The following TK2 variants were observed in gnomAD, a reference collection of about 807,000 sequenced individuals.
The protein encoded by TK2 is thymidine kinase 2.
Under a neutral mutation model 41.9 loss-of-function variants are expected in TK2, and 35 were observed. The ratio of observed to expected loss-of-function variants is 0.84; its 90% CI spans 0.64 to 1.11. TK2 has a LOEUF of 1.11. Ranked by LOEUF, TK2 falls within the 50% of genes least tolerant of loss-of-function variation. The probability of loss-of-function intolerance (pLI) is 0.00; values close to 1 mark genes in which losing one functional copy is unlikely to be tolerated. For synonymous variants in TK2, 128 were observed against 129.1 expected (o/e 0.99, Z 0.06); for missense variants, 320 against 351.1 (o/e 0.91, Z 0.71).
intron 1 of TK2, chr16:66,549,436 G>A: frequency 9.3e-7 from 1 of 1,074,074 alleles, no homozygotes; most frequent in South Asian, 3.0e-5. Flanking sequence ...CGTCCCACAG[G>A]TGGTTCTGAG....
In TK2 at chr16:66,547,972, C is replaced by T. The variant is rs749031298; in HGVS notation, c.156+1006G>A. ...AAATAGCCAGGCACAGTGGCTCACA[C>T]TTGTCATCACAGCTACTCAGGAGGC... On this transcript the variant is annotated intron_variant, in intron 2 of 9. Coordinates refer to ENST00000544898, the MANE Select transcript of TK2 (RefSeq NM_004614.5). The T allele has an allele frequency of 1.8e-5, 23 of 1,288,476 alleles. 1 individual carries two copies. The highest frequency in any genetic ancestry group is 2.5e-5 in the South Asian group (2 of 80,914). 79.8% of individuals were successfully genotyped at this position (1,288,476 alleles called of 1,614,324 possible).
chr16:66,518,791 A>G (rs1466407757), intron 6 of TK2, among the ~76,000 whole-genome samples: 1 of 152,216 alleles, frequency 6.6e-6, no homozygotes, highest in Non-Finnish European at 1.5e-5. Context: ...GAAAGGTGGG[A>G]AAGAAAAATA....
At chr16:66,519,744 T>C (rs1249475266) in intron 6 of TK2, among the ~76,000 whole-genome samples, 3 of 151,990 alleles carry the variant, frequency 2.0e-5, no homozygotes, top group Non-Finnish European at 2.9e-5. Context: ...AGTGGCTCCA[T>C]GTGGGTCCCG....
rs946967022 is a variant in TK2, at chr16:66,514,852, G to A, written c.619-1041C>T. ...ATTCTTCTGCCTTGGGATGCTGTTA[G>A]TCTATAACCTTACCCCCAACCCCGT... On this transcript the variant is annotated intron_variant, in intron 8 of 9. Coordinates refer to ENST00000544898, the MANE Select transcript of TK2 (RefSeq NM_004614.5). This position sits in a 1 kb window ranked among gnomAD's most constrained non-coding sequence, Gnocchi z 4.2. Among the ~76,000 whole-genome samples the A allele has an allele frequency of 2.6e-5, 4 of 152,168 alleles. No individual in the cohort carries two copies. In the East Asian group the frequency reaches 7.7e-4, roughly 29 times the overall value.
chr16:66,529,983 G>A (rs1243603634), intron 5 of TK2, among the ~76,000 whole-genome samples: 1 of 152,164 alleles, frequency 6.6e-6, no homozygotes, highest in Non-Finnish European at 1.5e-5. Flanking sequence ...ATAGAGGAGT[G>A]CATTTATATC....
At chr16:66,529,139 T>C (rs1965029794) in intron 5 of TK2, 72 bp from the exon 6 acceptor site, 1 of 1,409,792 alleles carries the variant, frequency 7.1e-7, no homozygotes, top group Non-Finnish European at 1.0e-6. Context: ...GAGAAATGTC[T>C]GTTACTCCCC....
In TK2 at chr16:66,541,796, T is replaced by C. The variant is rs1965464066; in HGVS notation, c.231+83A>G. On this transcript the variant is annotated intron_variant, in intron 3 of 9. Coordinates refer to ENST00000544898, the MANE Select transcript of TK2 (RefSeq NM_004614.5). ...ACTTGTGGCTCAAATTATAGTCCTA[T>C]TGGACAAGGTTAGTCCACACCCTCT... 14 of 1,407,886 alleles carry C rather than the reference T, an allele frequency of 9.9e-6. No individual in the cohort carries two copies. The Admixed American group carries it at 1.4e-4, about 14-fold the overall frequency. 87.2% of individuals were successfully genotyped at this position (1,407,886 alleles called of 1,614,324 possible). A position where few individuals can be genotyped will look rare whatever the true frequency, so the allele number is the denominator to read the frequency against.
At chr16:66,529,150 C>A (rs1224289163) in intron 5 of TK2, 83 bp from the exon 6 acceptor site, 4 of 1,290,122 alleles carry the variant, frequency 3.1e-6, no homozygotes, top group Non-Finnish European at 3.4e-6. Flanking sequence ...GTTACTCCCC[C>A]TGCCTGGGGA....
intron 6 of TK2, among the ~76,000 whole-genome samples, chr16:66,522,402 C>G (rs1423549314): frequency 6.6e-6 from 1 of 152,222 alleles, no homozygotes; most frequent in African/African-American, 2.4e-5. Context: ...CGAGCTGGGT[C>G]CCACTCCACG....
intron 4 of TK2, among the ~76,000 whole-genome samples, chr16:66,536,482 T>C (rs527974938): frequency 6.6e-6 from 1 of 152,230 alleles, no homozygotes; most frequent in South Asian, 2.1e-4. Context: ...GTTGCTAGGT[T>C]CACCCTTGGG....
At chr16:66,536,910 T>C in intron 4 of TK2, 54 bp downstream of exon 4, 6 of 1,597,072 alleles carry the variant, frequency 3.8e-6, no homozygotes, top group Middle Eastern at 1.7e-4. Flanking sequence ...GGCACCATCA[T>C]TCTCAGGTGC....
intron 1 of TK2, 118 bp from the exon 2 acceptor site, chr16:66,549,127 T>C: frequency 6.4e-7 from 1 of 1,559,228 alleles, no homozygotes; most frequent in Non-Finnish European, 8.7e-7. Context: ...CCTAAAAACA[T>C]TTTCCATTTT....
intron 9 of TK2, among the ~76,000 whole-genome samples, chr16:66,512,383 T>C (rs1964477082): frequency 6.6e-6 from 1 of 152,088 alleles, no homozygotes; most frequent in East Asian, 1.9e-4. Flanking sequence ...GGCAACACAG[T>C]GAGACCCTGT....
intron 2 of TK2, chr16:66,546,683 T>A (rs1458046890): frequency 6.6e-6 from 1 of 152,060 alleles, no homozygotes; most frequent in African/African-American, 2.4e-5. Flanking sequence ...TTCAAAAACA[T>A]GGTTTTTAAT....
In TK2 at chr16:66,509,229, C is replaced by T. The variant is rs972697826; in HGVS notation, c.*2739G>A. ...GCTCTGATGCCAACCGTGCCCAGAG[C>T]AGGAGCTCCAGCTGCCATCCTGGAC... is the stretch of plus-strand genomic sequence containing the variant. On this transcript the variant is annotated 3_prime_UTR_variant, in exon 10 of 10. Coordinates refer to ENST00000544898, the MANE Select transcript of TK2 (RefSeq NM_004614.5). 1 of 152,268 alleles carries T rather than the reference C, an allele frequency of 6.6e-6. No individual in the cohort carries two copies. Among genetic ancestry groups the T allele is most frequent in the African/African-American group, 2.4e-5 (1 of 41,454 alleles). The allele number at this position is 152,268 out of a possible 1,614,324, so 9.4% of individuals were successfully genotyped here.
chr16:66,548,148 G>A (rs925216402), intron 2 of TK2: 8 of 396,432 alleles, frequency 2.0e-5, no homozygotes, highest in Non-Finnish European at 3.6e-5. Flanking sequence ...GGCACCCGCT[G>A]GCATATCCTT....
intron 3 of TK2, 87 bp downstream of exon 3, chr16:66,541,792 C>T: frequency 7.3e-7 from 1 of 1,366,154 alleles, no homozygotes; most frequent in South Asian, 1.2e-5. Flanking sequence ...AAATTATAGT[C>T]CTATTGGACA....
At chr16:66,546,221 C>G (rs978996023) in intron 2 of TK2, among the ~76,000 whole-genome samples, 2 of 151,900 alleles carry the variant, frequency 1.3e-5, no homozygotes, top group Non-Finnish European at 2.9e-5. Flanking sequence ...CAGAGCCAGA[C>G]CTTGTCTCAA....
rs1597114800 is a variant in TK2 at position 66,549,161 on chromosome 16, G to A, written c.125-152C>T. ...TTGGGCGCCCTCCGAGATTGGAGGCGCGCACCACCGTCTCGCCGATGTGCC... is the reference window on the plus strand; with the variant it reads ...TTGGGCGCCCTCCGAGATTGGAGGCACGCACCACCGTCTCGCCGATGTGCC... On this transcript the variant is annotated intron_variant, in intron 1 of 9. Coordinates refer to ENST00000544898, the MANE Select transcript of TK2 (RefSeq NM_004614.5). 4 of 1,505,872 alleles carry A rather than the reference G, an allele frequency of 2.7e-6. No individual in the cohort carries two copies. In the East Asian group the frequency reaches 9.3e-5, roughly 35 times the overall value. The allele number at this position is 1,505,872 out of a possible 1,614,324, so 93.3% of individuals were successfully genotyped here. A position where few individuals can be genotyped will look rare whatever the true frequency, so the allele number is the denominator to read the frequency against.
Sources: gnomAD v4.1 joint callset for allele counts (sites outside exome capture counted in the v4.1 genomes callset) on GRCh38, gnomAD v4.1.1 for gene constraint, Gnocchi (gnomAD v3.1) non-coding constraint, MANE v1.5 for transcripts, NCBI Gene and HGNC (gene_info 2026-07-23, HGNC 2026-07-21) for gene names.